SOS1: variants seen among roughly 807,000 people sequenced by gnomAD.
SOS1 encodes son of sevenless homolog 1.
In SOS1, 25 loss-of-function variants were observed where a neutral mutation model predicts 157.6. The observed-to-expected ratio is 0.16, with a 90% CI of 0.12 to 0.22. SOS1 has a LOEUF of 0.22. Among genes scored for constraint, SOS1 ranks in the 10% least tolerant of loss-of-function variants. The probability of loss-of-function intolerance (pLI) is 1.00; values close to 1 mark genes in which losing one functional copy is unlikely to be tolerated. For synonymous variants in SOS1, 528 were observed against 534.0 expected (o/e 0.99, Z 0.16); for missense variants, 1,237 against 1,599.1 (o/e 0.77, Z 3.86).
At chr2:39,001,941 C>T (rs1432716824) in intron 17 of SOS1, among the ~76,000 whole-genome samples, 1 of 152,206 alleles carries the variant, frequency 6.6e-6, no homozygotes, top group Non-Finnish European at 1.5e-5. Flanking sequence ...TTTGTATTCA[C>T]TCAATAAATC....
At chr2:39,020,116 A>AATT (rs1198387734) in intron 10 of SOS1, among the ~76,000 whole-genome samples, 2 of 151,586 alleles carry the variant, frequency 1.3e-5, no homozygotes, top group Non-Finnish European at 3.0e-5. Flanking sequence ...CTTGTTCTGG[A>AATT]ATTAACTCGT....
At chr2:39,121,376 A>G (rs947183476), upstream of SOS1, among the ~76,000 whole-genome samples, 3 of 152,194 alleles carry the variant, frequency 2.0e-5, no homozygotes, top group Non-Finnish European at 4.4e-5. Context: ...GAACACGAAG[A>G]TAAGGACTGC....
rs1184530549 is a variant in SOS1 at position 39,120,857 on chromosome 2, G to A, written c.-435C>T. The A allele has an allele frequency of 6.6e-6, 1 of 152,568 alleles. No homozygotes were observed. The highest frequency in any genetic ancestry group is 1.9e-4 in the East Asian group (1 of 5,138). 9.5% of individuals were successfully genotyped at this position (152,568 alleles called of 1,614,324 possible). On this transcript the variant is annotated 5_prime_UTR_variant, in exon 1 of 23. In the 5' UTR this introduces an upstream ATG that the reference lacks. Transcript: ENST00000402219. The stretch of plus-strand genomic sequence containing the variant: ...GCTCCGGCCGCGGCGCCCGCTCCGC[G>A]TAGTTGGGACTCCGAAACGCAAGAG...
chr2:39,063,143 G>C (rs1671468482), intron 2 of SOS1, among the ~76,000 whole-genome samples: 1 of 151,032 alleles, frequency 6.6e-6, no homozygotes, highest in East Asian at 1.9e-4. Context: ...TTTTTTAAGA[G>C]TTAGGGTCTC....
At chr2:39,049,466 T>G (rs1195738420) in intron 6 of SOS1, among the ~76,000 whole-genome samples, 1 of 152,240 alleles carries the variant, frequency 6.6e-6, no homozygotes, top group Admixed American at 6.5e-5. Context: ...TCTTTATAAA[T>G]GGATCATATT....
intron 1 of SOS1, among the ~76,000 whole-genome samples, chr2:39,077,751 T>C: frequency 6.6e-6 from 1 of 152,146 alleles, no homozygotes; most frequent in South Asian, 2.1e-4. Context: ...CAATATATAG[T>C]GCTAGGACAT....
rs548787579 is a variant in SOS1 at position 38,994,394 on chromosome 2, A to G, written c.3346+729T>C. 2.6e-5 allele frequency among the ~76,000 whole-genome samples: 4 copies of G among 152,312 alleles called. No individual in the cohort carries two copies. In the East Asian group the frequency reaches 7.7e-4, roughly 29 times the overall value. ...TGTTTCGCTGCACTGAAAAGCACAGATAGTGTATTAGCAGCCATTATATAC... is the reference window on the plus strand; with the variant it reads ...TGTTTCGCTGCACTGAAAAGCACAGGTAGTGTATTAGCAGCCATTATATAC... On this transcript the variant is annotated intron_variant, in intron 20 of 22. Coordinates refer to ENST00000402219, the MANE Select transcript of SOS1 (RefSeq NM_005633.4).
chr2:39,109,422 AT>A (rs1205374843), intron 1 of SOS1, among the ~76,000 whole-genome samples: 22 of 152,282 alleles, frequency 1.4e-4, no homozygotes, highest in African/African-American at 4.3e-4. Context: ...ATGAAATTCT[AT>A]GCAAAGCCCC....
intron 8 of SOS1, among the ~76,000 whole-genome samples, chr2:39,030,557 G>A (rs374905270): frequency 1.3e-5 from 2 of 152,108 alleles, no homozygotes; most frequent in South Asian, 2.1e-4. Flanking sequence ...GTGACAGAGC[G>A]AGACCTATCT....
chr2:39,101,796 C>T (rs753683190), intron 1 of SOS1, among the ~76,000 whole-genome samples: 6 of 152,212 alleles, frequency 3.9e-5, no homozygotes, highest in Non-Finnish European at 8.8e-5. Flanking sequence ...CTCCAGGTAA[C>T]ACCAGGTGAA....
intron 18 of SOS1, 95 bp from the exon 19 acceptor site, chr2:38,997,133 ATTTGAATTATTTCT>A (rs1668921495): frequency 9.5e-7 from 1 of 1,047,632 alleles, no homozygotes; most frequent in Non-Finnish European, 1.4e-6. Context: ...ATACAAGTAA[ATTTGAATTATTTCT>A]TTTAAGGTTT....
chr2:39,056,768 A>G lies in SOS1; in HGVS notation c.444T>C (p.Tyr148=). ...TTTCATAATGCCGTATATTTCTTAC[A>G]TAATTCCCAACCAGCTTTAAAATGT... The part of the protein sequence containing the change: ...SADILKLVGN[Y]VRNIRHYEIT... Residue 148 remains tyrosine, a synonymous_variant, in exon 4 of 23, where the codon TAT becomes TAC. Coordinates refer to ENST00000402219, the MANE Select transcript of SOS1 (RefSeq NM_005633.4). The G allele has an allele frequency of 1.2e-6, 2 of 1,600,674 alleles. No homozygotes were observed. The highest frequency in any genetic ancestry group is 1.7e-6 in the Non-Finnish European group (2 of 1,167,932).
At chr2:39,004,030 G>GC (rs370498909) in intron 17 of SOS1, among the ~76,000 whole-genome samples, 182 of 152,262 alleles carry the variant, frequency 1.2e-3, no homozygotes, top group African/African-American at 4.2e-3. Flanking sequence ...GGCAAAAACT[G>GC]CCCCCTGCTG....
chr2:39,066,612 T>C (rs758609140), intron 2 of SOS1, among the ~76,000 whole-genome samples: 3 of 152,204 alleles, frequency 2.0e-5, no homozygotes, highest in African/African-American at 4.8e-5. Context: ...TCTTTACTCA[T>C]AGAATATCAC....
At chr2:39,106,344 A>C (rs935269435) in intron 1 of SOS1, among the ~76,000 whole-genome samples, 1 of 152,006 alleles carries the variant, frequency 6.6e-6, no homozygotes, top group Non-Finnish European at 1.5e-5. Context: ...TAATCCCAGC[A>C]CTTTGGGAGG....
chr2:39,022,068 A>C (rs1236330116), intron 10 of SOS1, among the ~76,000 whole-genome samples: 2 of 151,852 alleles, frequency 1.3e-5, no homozygotes, highest in African/African-American at 4.8e-5. Flanking sequence ...AAATTATAAT[A>C]AAACTGGAAT....
At chr2:39,086,966 C>A (rs556914221) in intron 1 of SOS1, among the ~76,000 whole-genome samples, 1 of 152,160 alleles carries the variant, frequency 6.6e-6, no homozygotes, top group African/African-American at 2.4e-5. Flanking sequence ...GCGCCCACCA[C>A]CACATCTGGC....
chr2:39,096,873 G>A lies in SOS1; in HGVS notation c.87+23463C>T, dbSNP rs532026322. On this transcript the variant is annotated intron_variant, in intron 1 of 22. Coordinates refer to ENST00000402219, the MANE Select transcript of SOS1 (RefSeq NM_005633.4). ...TGCACTACAGCCTGGGCAACAGAGC[G>A]AGACTCCATCTCAAAAAAAAAAAAA... Among the ~76,000 whole-genome samples, 65 of 149,412 alleles carry A rather than the reference G, an allele frequency of 4.4e-4. 1 individual carries two copies. In the South Asian group the frequency reaches 5.7e-3, roughly 13 times the overall value.
chr2:38,987,649 C>T (rs2124459047), intron 21 of SOS1, 58 bp from the exon 22 acceptor site: 2 of 855,256 alleles, frequency 2.3e-6, no homozygotes, highest in Non-Finnish European at 3.9e-6. Flanking sequence ...CATTTATTTA[C>T]CTTGAAAAGT....
Sources: gnomAD v4.1 joint callset for allele counts (sites outside exome capture counted in the v4.1 genomes callset) on GRCh38, gnomAD v4.1.1 for gene constraint, MANE v1.5 for transcripts, NCBI Gene and HGNC (gene_info 2026-07-23, HGNC 2026-07-21) for gene names.